Variants in CNGA1 observed in about 807,000 individuals in gnomAD.
CNGA1 encodes the protein cyclic nucleotide-gated channel alpha-1.
In CNGA1, 53 loss-of-function variants were observed where a neutral mutation model predicts 69.7. The observed-to-expected ratio is 0.76, with a 90% CI of 0.61 to 0.96. CNGA1 has a LOEUF of 0.96. Among genes scored for constraint, CNGA1 ranks in the 40% least tolerant of loss-of-function variants. The pLI is 0.00. For missense variants in CNGA1, 739 were observed against 811.2 expected (o/e 0.91, Z 1.08); for synonymous variants, 249 against 283.5 (o/e 0.88, Z 1.22).
intron 3 of CNGA1, among the ~76,000 whole-genome samples, chr4:47,953,489 A>C (rs1218236931): frequency 2.0e-5 from 3 of 152,254 alleles, no homozygotes; most frequent in Non-Finnish European, 4.4e-5. Context: ...GTAGTATTCA[A>C]ACTTTAGAGG....
intron 3 of CNGA1, among the ~76,000 whole-genome samples, chr4:47,967,796 G>A (rs930072186): frequency 3.3e-5 from 5 of 152,252 alleles, no homozygotes; most frequent in East Asian, 3.9e-4. Context: ...AGCTAACACA[G>A]TGAAACCCCG....
intron 10 of CNGA1, among the ~76,000 whole-genome samples, chr4:47,939,992 A>G (rs1462823645): frequency 6.6e-6 from 1 of 152,046 alleles, no homozygotes; most frequent in Non-Finnish European, 1.5e-5. Flanking sequence ...CTGCATTTTC[A>G]TCTCTCATTC....
intron 10 of CNGA1, among the ~76,000 whole-genome samples, chr4:47,938,977 AAAAG>A (rs200332363): frequency 0.036 from 5,347 of 150,486 alleles, 331 homozygotes; most frequent in African/African-American, 0.12. Context: ...AGAAAGAAAG[AAAAG>A]AAAGAAAGAA....
intron 3 of CNGA1, among the ~76,000 whole-genome samples, chr4:47,977,216 T>C (rs555352240): frequency 5.9e-5 from 9 of 152,222 alleles, no homozygotes; most frequent in African/African-American, 2.2e-4. Flanking sequence ...GTGAGGCCAT[T>C]AGGCTGGACC....
chr4:48,008,516 A>G (rs560226793), intron 2 of CNGA1, among the ~76,000 whole-genome samples: 4 of 152,282 alleles, frequency 2.6e-5, no homozygotes, highest in African/African-American at 9.6e-5. Flanking sequence ...ATGTTTTCCT[A>G]CAATATATTT....
At chr4:47,940,635 G>A in intron 10 of CNGA1, 128 bp downstream of exon 10, 1 of 689,720 alleles carries the variant, frequency 1.4e-6, no homozygotes, top group South Asian at 1.8e-5. Context: ...GCCTTCACCT[G>A]TGCCTTTTTC....
chr4:48,015,498 C>G (rs1160920911), intron 1 of CNGA1, among the ~76,000 whole-genome samples: 1 of 152,118 alleles, frequency 6.6e-6, no homozygotes, highest in African/African-American at 2.4e-5. Flanking sequence ...CAAAGGCTAC[C>G]TGAGTACATG....
At chr4:47,970,375 G>A (rs528772760) in intron 3 of CNGA1, among the ~76,000 whole-genome samples, 10 of 152,180 alleles carry the variant, frequency 6.6e-5, no homozygotes, top group Admixed American at 6.5e-4. Flanking sequence ...TCTCCTGCTA[G>A]GATTACTGCT....
chr4:47,995,340 A>G (rs756144190), intron 2 of CNGA1, among the ~76,000 whole-genome samples: 1 of 152,048 alleles, frequency 6.6e-6, no homozygotes, highest in Non-Finnish European at 1.5e-5. Context: ...GGCTTTGTTC[A>G]TATTTTCTTA....
intron 2 of CNGA1, among the ~76,000 whole-genome samples, chr4:47,999,304 GGAACATATTC>G (rs1714551250): frequency 6.6e-6 from 1 of 152,196 alleles, no homozygotes; most frequent in Non-Finnish European, 1.5e-5. Flanking sequence ...TGGGGGTCTT[GGAACATATTC>G]CCTGCAGATA....
At chr4:47,987,095 C>G (rs1392671595) in intron 2 of CNGA1, among the ~76,000 whole-genome samples, 1 of 138,004 alleles carries the variant, frequency 7.2e-6, no homozygotes, top group Non-Finnish European at 1.6e-5. Flanking sequence ...CCTGCAGTAA[C>G]CTTGACTGAT....
intron 2 of CNGA1, among the ~76,000 whole-genome samples, chr4:47,984,302 C>T (rs1279265870): frequency 1.3e-5 from 2 of 151,972 alleles, no homozygotes; most frequent in African/African-American, 4.8e-5. Flanking sequence ...TGATAATGCC[C>T]ACTATTACTT....
At chr4:48,015,927 A>C (rs903297664) in intron 1 of CNGA1, among the ~76,000 whole-genome samples, 1 of 152,172 alleles carries the variant, frequency 6.6e-6, no homozygotes, top group East Asian at 1.9e-4. Context: ...AATACCTGCT[A>C]TCAGGTCTTC....
intron 2 of CNGA1, among the ~76,000 whole-genome samples, chr4:48,007,575 C>T (rs1361961940): frequency 6.6e-6 from 1 of 152,076 alleles, no homozygotes; most frequent in Admixed American, 6.6e-5. Context: ...ACTTGGTGTC[C>T]TTTTTAGACC....
chr4:47,969,672 G>T (rs1346535115), intron 3 of CNGA1, among the ~76,000 whole-genome samples: 1 of 152,126 alleles, frequency 6.6e-6, no homozygotes, highest in Admixed American at 6.5e-5. Context: ...GTTTCACCGT[G>T]TTGGCCAGGC....
chr4:47,939,003 G>T (rs1371141000), intron 10 of CNGA1, among the ~76,000 whole-genome samples: 1 of 148,726 alleles, frequency 6.7e-6, no homozygotes, highest in Non-Finnish European at 1.5e-5. Flanking sequence ...GAGAAAGAAA[G>T]AAAGAAAGAG....
chr4:47,940,697 T>C, intron 10 of CNGA1, 66 bp downstream of exon 10: 4 of 1,109,712 alleles, frequency 3.6e-6, no homozygotes, highest in Non-Finnish European at 5.4e-6. Context: ...GATTAGGAAA[T>C]GTCAAATTAC....
Position 47,936,338 on chromosome 4 carries a change from C to A in CNGA1, c.*83G>T. 1 of 1,507,214 alleles carries A rather than the reference C, an allele frequency of 6.6e-7. No individual in the cohort carries two copies. The highest frequency in any genetic ancestry group is 9.2e-7 in the Non-Finnish European group (1 of 1,087,890). 93.4% of individuals were successfully genotyped at this position (1,507,214 alleles called of 1,614,324 possible). On this transcript the variant is annotated 3_prime_UTR_variant, in exon 11 of 11. Transcript: ENST00000514170. ...AAAAATTTCCCAACTGAGTCTTCCT[C>A]TTCTTTTAAATTTTAGTTGATGTCA...
intron 2 of CNGA1, among the ~76,000 whole-genome samples, chr4:47,983,007 T>A (rs908626223): frequency 2.0e-5 from 3 of 152,142 alleles, no homozygotes; most frequent in African/African-American, 7.2e-5. Flanking sequence ...TTTCGCCATG[T>A]TGGCCAGGCT....
Sources: gnomAD v4.1 joint callset for allele counts (sites outside exome capture counted in the v4.1 genomes callset) on GRCh38, gnomAD v4.1.1 for gene constraint, MANE v1.5 for transcripts, NCBI Gene and HGNC (gene_info 2026-07-23, HGNC 2026-07-21) for gene names.